Variants in ADGRG5 observed in about 807,000 individuals in gnomAD.
ADGRG5 encodes adhesion G protein-coupled receptor G5.
A neutral mutation model predicts 53.2 loss-of-function variants in ADGRG5; 37 were observed. That is an observed-to-expected ratio of 0.70 (90% confidence interval 0.53 to 0.91). ADGRG5 has a LOEUF of 0.91. ADGRG5 is among the 40% of genes least tolerant of loss of function. ADGRG5 has a pLI of 0.00. For synonymous variants in ADGRG5, 277 were observed against 290.4 expected (o/e 0.95, Z 0.47); for missense variants, 614 against 675.8 (o/e 0.91, Z 1.01).
intron 1 of ADGRG5, among the ~76,000 whole-genome samples, chr16:57,547,513 C>T (rs1211379167): frequency 1.3e-5 from 2 of 152,062 alleles, no homozygotes; most frequent in East Asian, 1.9e-4. Context: ...GGCGCGATCT[C>T]GGCTCACTGC....
intron 1 of ADGRG5, among the ~76,000 whole-genome samples, chr16:57,558,010 T>A (rs1339747011): frequency 6.6e-6 from 1 of 152,266 alleles, no homozygotes; most frequent in Non-Finnish European, 1.5e-5. Context: ...AGGCGTTGTG[T>A]GTAATGGAAC....
chr16:57,530,249 C>A, the ADGRG5 span, among the ~76,000 whole-genome samples: 1 of 152,184 alleles, frequency 6.6e-6, no homozygotes, highest in Admixed American at 6.5e-5. Context: ...GCCTCCCCAT[C>A]GCCCAGCACT....
intron 1 of ADGRG5, among the ~76,000 whole-genome samples, chr16:57,555,268 A>G (rs1436435655): frequency 1.3e-5 from 2 of 152,166 alleles, no homozygotes; most frequent in Non-Finnish European, 2.9e-5. Flanking sequence ...CATAATCTCC[A>G]TGTGTCATGG....
At chr16:57,567,676 G>C in intron 8 of ADGRG5, 85 bp downstream of exon 8, 1 of 1,528,236 alleles carries the variant, frequency 6.5e-7, no homozygotes, top group Non-Finnish European at 8.9e-7. Flanking sequence ...CTAGAACTGG[G>C]TGTGCTTCTC....
Position 57,563,877 on chromosome 16 carries a change from C to A in ADGRG5, c.327C>A (p.His109Gln). The A allele has an allele frequency of 6.2e-7, 1 of 1,613,988 alleles. No homozygotes were observed. Among genetic ancestry groups the A allele is most frequent in the Non-Finnish European group, 8.5e-7 (1 of 1,180,004 alleles). ...QAGGQHARGQ[H>Q]AMQFPAELTR... ...GAGGTCAGCATGCCCGGGGTCAGCA[C>A]GCCATGCAGTTCCCCGCCGAGCTGA... is the stretch of plus-strand genomic sequence containing the variant. The change falls in exon 5 of 12, where the codon CAC becomes CAA. Residue 109 changes from histidine (H) to glutamine (Q), a missense_variant. By Grantham distance (24) the His-to-Gln change is conservative. Coordinates refer to ENST00000349457, the MANE Select transcript of ADGRG5 (RefSeq NM_001304376.3).
intron 10 of ADGRG5, among the ~76,000 whole-genome samples, chr16:57,571,442 G>A (rs573593338): frequency 2.0e-5 from 3 of 152,116 alleles, no homozygotes; most frequent in African/African-American, 7.2e-5. Context: ...AAGCAGGGCC[G>A]GGGGACTGCG....
intron 1 of ADGRG5, among the ~76,000 whole-genome samples, chr16:57,555,132 A>G (rs1034769197): frequency 7.2e-5 from 11 of 152,188 alleles, no homozygotes; most frequent in African/African-American, 2.4e-4. Flanking sequence ...ATTGAAAAGA[A>G]TATGTATTTT....
chr16:57,551,546 T>TCTCA (rs1187099431), intron 1 of ADGRG5, among the ~76,000 whole-genome samples: 2 of 152,212 alleles, frequency 1.3e-5, no homozygotes, highest in Non-Finnish European at 2.9e-5. Context: ...CCATTCAAGT[T>TCTCA]TGATCATGAG....
In ADGRG5 at chr16:57,575,476, C is replaced by G. The variant is rs62036095; in HGVS notation, c.1525C>G (p.Arg509Gly). The G allele has an allele frequency of 1.2e-6, 2 of 1,614,202 alleles. No individual in the cohort carries two copies. Among genetic ancestry groups the G allele is most frequent in the Non-Finnish European group, 1.7e-6 (2 of 1,180,002 alleles). ...LFLWFCSQRC[R>G]SEAEAKAQIE... ...CCTGTGGTTCTGCTCCCAGCGGTGC[C>G]GCTCAGAAGCAGAGGCCAAGGCACA... Residue 509 changes from arginine (R) to glycine (G), a missense_variant, in exon 12 of 12, where the codon CGC becomes GGC. Transcript: ENST00000349457.
At chr16:57,531,720 C>T in the ADGRG5 span, among the ~76,000 whole-genome samples, 1,970 of 152,282 alleles carry the variant, frequency 0.013, 31 homozygotes, top group South Asian at 0.087. Flanking sequence ...CTGCCCACCC[C>T]CATGTCCCTC....
the ADGRG5 span, chr16:57,529,356 G>A: frequency 2.1e-5 from 17 of 828,774 alleles, no homozygotes; most frequent in East Asian, 8.4e-4. This position sits in a 1 kb window ranked among gnomAD's most constrained non-coding sequence, Gnocchi z 4.1. Flanking sequence ...ATTGGACTGC[G>A]ACCACCGTCA....
At chr16:57,562,488 C>T in intron 3 of ADGRG5, 29 bp downstream of exon 3, 12 of 1,511,286 alleles carry the variant, frequency 7.9e-6, no homozygotes, top group Non-Finnish European at 1.0e-5. Context: ...CCACCCCAAG[C>T]CTGCACCTTG....
chr16:57,532,602 G>A, the ADGRG5 span, among the ~76,000 whole-genome samples: 3 of 152,124 alleles, frequency 2.0e-5, no homozygotes, highest in Non-Finnish European at 4.4e-5. Flanking sequence ...ACATTTGCCT[G>A]TAGACACAGA....
chr16:57,552,771 C>A (rs201440309), intron 1 of ADGRG5, among the ~76,000 whole-genome samples: 1 of 152,262 alleles, frequency 6.6e-6, no homozygotes. Context: ...CAGGATGCCT[C>A]GCTTTTGGCT....
chr16:57,572,560 C>T lies in ADGRG5; in HGVS notation c.1208+2025C>T, dbSNP rs149823032. ...TACAAAAATTAGCCAGACATGGTAG[C>T]GGGTGCCTGTAATCCCAGCTACTCA... On this transcript the variant is annotated intron_variant, in intron 10 of 11. Transcript: ENST00000349457. Among the ~76,000 whole-genome samples the T allele has an allele frequency of 1.1e-3, 165 of 152,200 alleles. No homozygotes were observed. In the South Asian group the frequency reaches 0.016, roughly 15 times the overall value.
intron 1 of ADGRG5, among the ~76,000 whole-genome samples, chr16:57,559,530 A>G (rs1364901399): frequency 1.3e-5 from 2 of 152,226 alleles, no homozygotes; most frequent in African/African-American, 4.8e-5. Context: ...TGGGGCTCCC[A>G]GTAAACTGCC....
chr16:57,577,045 G>A lies in ADGRG5; in HGVS notation c.*1507G>A, dbSNP rs916018363. ...CCAATGCCAGCTCTGCCACTTGCTA[G>A]CTGTGAGACTGTGGACAAACCACTC... On this transcript the variant is annotated 3_prime_UTR_variant, in exon 12 of 12. Transcript: ENST00000349457. 4 of 152,234 alleles carry A rather than the reference G, an allele frequency of 2.6e-5. No individual in the cohort carries two copies. Among genetic ancestry groups the A allele is most frequent in the Non-Finnish European group, 4.4e-5 (3 of 68,046 alleles). 9.4% of individuals were successfully genotyped at this position (152,234 alleles called of 1,614,324 possible).
chr16:57,571,655 T>C (rs909776302), intron 10 of ADGRG5, among the ~76,000 whole-genome samples: 3 of 138,192 alleles, frequency 2.2e-5, no homozygotes, highest in Non-Finnish European at 4.7e-5. Flanking sequence ...TTCTTTTTTT[T>C]CTTTTTTTTT....
chr16:57,563,357 C>T (rs2033051301), intron 4 of ADGRG5, 110 bp downstream of exon 4: 1 of 937,160 alleles, frequency 1.1e-6, no homozygotes, highest in African/African-American at 1.6e-5. Flanking sequence ...CCCCACACCC[C>T]ACAGTCCAGG....
Sources: allele counts gnomAD v4.1 joint callset (sites outside exome capture counted in the v4.1 genomes callset), GRCh38; gene constraint gnomAD v4.1.1; non-coding constraint Gnocchi (gnomAD v3.1); transcripts MANE v1.5; gene names NCBI Gene and HGNC (gene_info 2026-07-23, HGNC 2026-07-21).